The following PLEKHG4B variants were observed in gnomAD, a reference collection of about 807,000 sequenced individuals.
PLEKHG4B encodes pleckstrin homology and RhoGEF domain containing G4B.
In PLEKHG4B, 111 loss-of-function variants were observed where a neutral mutation model predicts 121.3. The ratio of observed to expected loss-of-function variants is 0.92; its 90% CI spans 0.78 to 1.07. The LOEUF (loss-of-function observed/expected upper bound fraction) is 1.07. PLEKHG4B is among the 50% of genes least tolerant of loss of function. PLEKHG4B has a pLI of 0.00. For missense variants in PLEKHG4B, 1,831 were observed against 1,757.8 expected (o/e 1.04, Z -0.74); for synonymous variants, 738 against 725.0 (o/e 1.02, Z -0.29).
At chr5:160,840 G>A (rs1009752218) in intron 11 of PLEKHG4B, among the ~76,000 whole-genome samples, 4 of 151,640 alleles carry the variant, frequency 2.6e-5, no homozygotes, top group East Asian at 4.0e-4. Flanking sequence ...CTGCTCTGCC[G>A]AAGCCGCACC....
intron 13 of PLEKHG4B, among the ~76,000 whole-genome samples, chr5:164,694 A>ACC (rs1736210012): frequency 1.0e-5 from 1 of 97,988 alleles, no homozygotes; most frequent in African/African-American, 5.3e-5. Flanking sequence ...GGCGGAGCTC[A>ACC]CACTAATGCT....
chr5:95,526 A>G (rs1310468399), intron 1 of PLEKHG4B, among the ~76,000 whole-genome samples: 1 of 152,084 alleles, frequency 6.6e-6, no homozygotes, highest in East Asian at 1.9e-4. Context: ...CAGTTGCTTC[A>G]TTCCCCGGCT....
intron 1 of PLEKHG4B, among the ~76,000 whole-genome samples, chr5:102,554 C>T (rs1021121725): frequency 1.9e-4 from 29 of 152,154 alleles, no homozygotes; most frequent in African/African-American, 5.8e-4. Flanking sequence ...TGGCACCTGC[C>T]CCGTCTCTGC....
At position 182,212 on chromosome 5, in the gene PLEKHG4B, C is replaced by T; in HGVS notation, c.4773C>T (p.Ile1591=). 3 of 1,613,922 alleles carry T rather than the reference C, an allele frequency of 1.9e-6. No individual in the cohort carries two copies. Among genetic ancestry groups the T allele is most frequent in the Non-Finnish European group, 2.5e-6 (3 of 1,180,042 alleles). ...SPAHSPWSSD[I]RACVEEDEPE... ...CCCACAGCCCCTGGTCATCTGATAT[C>T]AGAGCCTGCGTCGAGGAAGATGAGC... Residue 1591 remains isoleucine, a synonymous_variant, in exon 20 of 20, where the codon ATC becomes ATT. Transcript: ENST00000637938.
At chr5:136,757 G>A (rs965879049) in intron 2 of PLEKHG4B, among the ~76,000 whole-genome samples, 2 of 152,326 alleles carry the variant, frequency 1.3e-5, no homozygotes, top group African/African-American at 2.4e-5. Flanking sequence ...GTCCTCGTGC[G>A]TGGTTGGTGA....
intron 2 of PLEKHG4B, among the ~76,000 whole-genome samples, chr5:133,213 G>C (rs1258319693): frequency 1.3e-5 from 2 of 152,096 alleles, no homozygotes; most frequent in Non-Finnish European, 1.5e-5. Context: ...GTGTGTAGTA[G>C]AGCTACTGAT....
At chr5:123,470 G>A (rs967507416) in intron 2 of PLEKHG4B, among the ~76,000 whole-genome samples, 1 of 152,004 alleles carries the variant, frequency 6.6e-6, no homozygotes, top group African/African-American at 2.4e-5. Flanking sequence ...TTAAATGTTT[G>A]GTAAAATTCA....
At chr5:120,418 C>T (rs1044607632) in intron 2 of PLEKHG4B, among the ~76,000 whole-genome samples, 1 of 152,170 alleles carries the variant, frequency 6.6e-6, no homozygotes, top group Non-Finnish European at 1.5e-5. Flanking sequence ...GAGATGGACT[C>T]ACCATCAAAG....
chr5:146,397 C>A (rs1735415962), intron 6 of PLEKHG4B, among the ~76,000 whole-genome samples: 2 of 138,430 alleles, frequency 1.4e-5, no homozygotes, highest in Admixed American at 1.4e-4. Flanking sequence ...CAAGCTGTAG[C>A]CCTCCATCCT....
intron 2 of PLEKHG4B, among the ~76,000 whole-genome samples, chr5:114,604 C>T (rs935233658): frequency 5.3e-5 from 8 of 152,094 alleles, no homozygotes; most frequent in Non-Finnish European, 1.0e-4. Context: ...ATTACAGGCA[C>T]CCACCACCAT....
chr5:103,444 C>T (rs1450152179), intron 1 of PLEKHG4B, among the ~76,000 whole-genome samples: 2 of 152,126 alleles, frequency 1.3e-5, no homozygotes, highest in Admixed American at 6.5e-5. Flanking sequence ...ATGCACCGCA[C>T]GCAGCGGTTT....
chr5:150,957 T>TATCC (rs1452334056), intron 6 of PLEKHG4B, among the ~76,000 whole-genome samples: 3 of 152,206 alleles, frequency 2.0e-5, no homozygotes, highest in Non-Finnish European at 4.4e-5. Context: ...AGCTGGTGAA[T>TATCC]GGATGAACAG....
intron 6 of PLEKHG4B, among the ~76,000 whole-genome samples, chr5:148,359 A>AT (rs1560929736): frequency 2.3e-5 from 3 of 128,926 alleles, no homozygotes; most frequent in African/African-American, 3.6e-5. Flanking sequence ...AAAAAAAAAT[A>AT]AATAAAAATA....
At chr5:177,880 CGT>C (rs1736808856) in intron 18 of PLEKHG4B, among the ~76,000 whole-genome samples, 4 of 152,230 alleles carry the variant, frequency 2.6e-5, no homozygotes, top group African/African-American at 9.6e-5. Flanking sequence ...CTGAGACTTT[CGT>C]CCCTTTTCTG....
intron 18 of PLEKHG4B, 136 bp from the exon 19 acceptor site, chr5:181,378 C>G: frequency 1.1e-6 from 1 of 879,878 alleles, no homozygotes. Context: ...GCCCCCCATG[C>G]CCCTCGTGGG....
At position 181,999 on chromosome 5, in the gene PLEKHG4B, T is replaced by G; in HGVS notation, c.4565-5T>G. 1 of 1,612,596 alleles carries G rather than the reference T, an allele frequency of 6.2e-7. No homozygotes were observed. The highest frequency in any genetic ancestry group is 1.1e-5 in the South Asian group (1 of 91,050). On this transcript the variant is annotated splice_polypyrimidine_tract_variant and splice_region_variant and intron_variant, in intron 19 of 19. Transcript: ENST00000637938. ...CAGCCTGACGTGCTTTCTGTCCCTTTCCAGAGTCACAAATGAGAGGGTCCA... is the reference window on the plus strand; with the variant it reads ...CAGCCTGACGTGCTTTCTGTCCCTTGCCAGAGTCACAAATGAGAGGGTCCA...
chr5:116,043 G>A (rs992500438), intron 2 of PLEKHG4B, among the ~76,000 whole-genome samples: 1 of 152,198 alleles, frequency 6.6e-6, no homozygotes, highest in South Asian at 2.1e-4. Context: ...GGGGCATTCA[G>A]CATGCCTTTC....
chr5:182,225 G>A lies in PLEKHG4B; in HGVS notation c.4786G>A (p.Glu1596Lys), dbSNP rs140824605. The change falls in exon 20 of 20, where the codon GAG (glutamate) becomes AAG (lysine). Residue 1596 changes from glutamate (E) to lysine (K), a missense_variant. Coordinates refer to ENST00000637938, the MANE Select transcript of PLEKHG4B (RefSeq NM_052909.5). ...PWSSDIRACV[E>K]EDEPEPELET... Reference sequence around the variant, plus strand: ...GTCATCTGATATCAGAGCCTGCGTCGAGGAAGATGAGCCAGAGCCAGAACT... The same window carrying A: ...GTCATCTGATATCAGAGCCTGCGTCAAGGAAGATGAGCCAGAGCCAGAACT... The A allele has an allele frequency of 1.7e-5, 28 of 1,613,654 alleles. No individual in the cohort carries two copies. The highest frequency in any genetic ancestry group is 1.0e-4 in the Admixed American group (6 of 60,006).
chr5:172,151 C>T (rs13356529), intron 16 of PLEKHG4B, among the ~76,000 whole-genome samples: 163 of 151,628 alleles, frequency 1.1e-3, no homozygotes, highest in African/African-American at 3.8e-3. Flanking sequence ...CCCCCAACAC[C>T]GACGGAATCG....
Sources: allele counts gnomAD v4.1 joint callset (sites outside exome capture counted in the v4.1 genomes callset), GRCh38; gene constraint gnomAD v4.1.1; transcripts MANE v1.5; gene names NCBI Gene and HGNC (gene_info 2026-07-23, HGNC 2026-07-21).